Variants in NALF1 observed in about 807,000 individuals in gnomAD.
The protein encoded by NALF1 is family with sequence similarity 155 member A.
Under a neutral mutation model 48.4 loss-of-function variants are expected in NALF1, and 3 were observed. The ratio of observed to expected loss-of-function variants is 0.06; its 90% confidence interval spans 0.03 to 0.16. NALF1 has a LOEUF of 0.16. Among genes scored for constraint, NALF1 ranks in the 10% least tolerant of loss-of-function variants. NALF1 has a pLI of 1.00. For missense variants in NALF1, 526 were observed against 571.5 expected (o/e 0.92, Z 0.81); for synonymous variants, 262 against 245.7 (o/e 1.07, Z -0.62).
At chr13:107,812,524 T>C (rs1879026908) in intron 1 of NALF1, among the ~76,000 whole-genome samples, 1 of 152,132 alleles carries the variant, frequency 6.6e-6, no homozygotes, top group African/African-American at 2.4e-5. Context: ...TAAAAATAGC[T>C]ACAAAGTTTG....
rs529209581 is a variant in NALF1, at chr13:107,440,280, G to A, written c.916-229525C>T. Among the ~76,000 whole-genome samples the A allele has an allele frequency of 3.3e-5, 5 of 152,290 alleles. No homozygotes were observed. In the South Asian group the frequency reaches 6.2e-4, roughly 19 times the overall value. ...TTGAGGAAAGGATTTTATGGAAGAC[G>A]TGGTGGGGGTTGGAGTAGCTGTGGA... On this transcript the variant is annotated intron_variant, in intron 1 of 2. Coordinates refer to ENST00000375915, the MANE Select transcript of NALF1 (RefSeq NM_001080396.3).
intron 1 of NALF1, among the ~76,000 whole-genome samples, chr13:107,828,723 T>G (rs1273741575): frequency 1.3e-5 from 2 of 152,136 alleles, no homozygotes; most frequent in South Asian, 2.1e-4. Context: ...AGAAGATATA[T>G]TTCTGCTTGG....
chr13:107,786,416 C>CAAAAAAA (rs34857705), intron 1 of NALF1, among the ~76,000 whole-genome samples: 1 of 29,714 alleles, frequency 3.4e-5, no homozygotes, highest in Non-Finnish European at 5.9e-5. Flanking sequence ...AACTCTTTCT[C>CAAAAAAA]AAAAAAAAAA....
chr13:107,319,141 C>A (rs992978237), intron 1 of NALF1, among the ~76,000 whole-genome samples: 10 of 152,008 alleles, frequency 6.6e-5, no homozygotes, highest in African/African-American at 2.4e-4. Context: ...GGAGAATGTG[C>A]CAAGAGATAG....
At chr13:107,724,222 C>G (rs1876079353) in intron 1 of NALF1, among the ~76,000 whole-genome samples, 1 of 151,922 alleles carries the variant, frequency 6.6e-6, no homozygotes. Flanking sequence ...CTGCTTTTGT[C>G]AAGGTTTCAA....
chr13:107,764,252 G>A (rs1289463740), intron 1 of NALF1, among the ~76,000 whole-genome samples: 1 of 152,072 alleles, frequency 6.6e-6, no homozygotes, highest in Admixed American at 6.6e-5. Flanking sequence ...GTTGCATAAT[G>A]TTTTAACATT....
At chr13:107,784,583 G>A (rs1052068525) in intron 1 of NALF1, among the ~76,000 whole-genome samples, 1 of 152,068 alleles carries the variant, frequency 6.6e-6, no homozygotes. Context: ...CAAAAAGTGG[G>A]CTAAGGACAT....
chr13:107,732,229 CTATA>C (rs1876330198), intron 1 of NALF1, among the ~76,000 whole-genome samples: 1 of 151,928 alleles, frequency 6.6e-6, no homozygotes, highest in Non-Finnish European at 1.5e-5. Context: ...CATGCATCCT[CTATA>C]TACTATATAC....
chr13:107,590,633 G>A (rs914933577), intron 1 of NALF1, among the ~76,000 whole-genome samples: 1 of 151,900 alleles, frequency 6.6e-6, no homozygotes, highest in Non-Finnish European at 1.5e-5. Context: ...TTAGAAACAA[G>A]TCTCATCCTT....
intron 1 of NALF1, among the ~76,000 whole-genome samples, chr13:107,658,045 C>T (rs575833847): frequency 6.6e-6 from 1 of 152,276 alleles, no homozygotes; most frequent in South Asian, 2.1e-4. Flanking sequence ...TCTCCTGGTT[C>T]CCAGGGACCC....
intron 1 of NALF1, among the ~76,000 whole-genome samples, chr13:107,495,083 T>C (rs1353684039): frequency 6.6e-6 from 1 of 152,252 alleles, no homozygotes; most frequent in Non-Finnish European, 1.5e-5. Flanking sequence ...TATCATTCTC[T>C]TGATTGCTCA....
chr13:107,262,952 C>A (rs750936708), intron 1 of NALF1, among the ~76,000 whole-genome samples: 47 of 152,068 alleles, frequency 3.1e-4, no homozygotes, highest in Non-Finnish European at 5.7e-4. Flanking sequence ...ATCACAGACT[C>A]GTTGCGTGTA....
chr13:107,248,602 A>T (rs1880633059), intron 1 of NALF1, among the ~76,000 whole-genome samples: 1 of 149,324 alleles, frequency 6.7e-6, no homozygotes. Context: ...GTGGCTTTTT[A>T]AATTTAAATT....
chr13:107,307,971 A>C (rs983269), intron 1 of NALF1, among the ~76,000 whole-genome samples: 124,099 of 151,994 alleles, frequency 0.82, 51,239 homozygotes, highest in Middle Eastern at 0.9. Flanking sequence ...TAGACTGTAA[A>C]TTGTGATGTA....
intron 1 of NALF1, among the ~76,000 whole-genome samples, chr13:107,414,548 G>A (rs986033636): frequency 1.3e-5 from 2 of 150,680 alleles, no homozygotes; most frequent in Non-Finnish European, 3.0e-5. Context: ...TAATTATATA[G>A]TCAGCCTCAT....
chr13:107,774,190 C>A (rs551131463), intron 1 of NALF1, among the ~76,000 whole-genome samples: 1 of 152,130 alleles, frequency 6.6e-6, no homozygotes, highest in Non-Finnish European at 1.5e-5. Flanking sequence ...AATCCAGTGT[C>A]AATTTAAATA....
chr13:107,741,692 A>C (rs1000858889), intron 1 of NALF1, among the ~76,000 whole-genome samples: 2 of 152,336 alleles, frequency 1.3e-5, no homozygotes, highest in African/African-American at 4.8e-5. Context: ...CTCAGGAGCC[A>C]GGTCCAGGAG....
chr13:107,288,760 T>G lies in NALF1; in HGVS notation c.916-78005A>C, dbSNP rs1034997167. Reference sequence around the variant, plus strand: ...GTTGGTCAGGCTGGTCTTGAAGTCCTGACCTATGGTGATCCACTCGCCTCG... The same window carrying G: ...GTTGGTCAGGCTGGTCTTGAAGTCCGGACCTATGGTGATCCACTCGCCTCG... On this transcript the variant is annotated intron_variant, in intron 1 of 2. Coordinates refer to ENST00000375915, the MANE Select transcript of NALF1 (RefSeq NM_001080396.3). Among the ~76,000 whole-genome samples, 6 of 151,662 alleles carry G rather than the reference T, an allele frequency of 4.0e-5. No homozygotes were observed. The East Asian group carries it at 5.8e-4, about 15-fold the overall frequency.
intron 1 of NALF1, among the ~76,000 whole-genome samples, chr13:107,394,903 G>C (rs1422434587): frequency 6.6e-6 from 1 of 152,116 alleles, no homozygotes; most frequent in East Asian, 1.9e-4. Context: ...CCATTATTTT[G>C]CTTATGGCAA....
Sources: allele counts gnomAD v4.1 joint callset (sites outside exome capture counted in the v4.1 genomes callset), GRCh38; gene constraint gnomAD v4.1.1; transcripts MANE v1.5; gene names NCBI Gene and HGNC (gene_info 2026-07-23, HGNC 2026-07-21).